The following SGSM1 variants were observed in gnomAD, a reference collection of about 807,000 sequenced individuals.
SGSM1 encodes RUN and TBC1 domain containing 2.
Under a neutral mutation model 133.8 loss-of-function variants are expected in SGSM1, and 73 were observed. The observed-to-expected ratio is 0.55, with a 90% CI of 0.45 to 0.66. SGSM1 has a LOEUF of 0.66. Among genes scored for constraint, SGSM1 ranks in the 30% least tolerant of loss-of-function variants. The pLI, the probability that SGSM1 is intolerant of heterozygous loss-of-function variation, is 0.00. For synonymous variants in SGSM1, 563 were observed against 573.0 expected, an observed-to-expected ratio of 0.98 and a Z score of 0.25; for missense variants, 1,213 against 1,448.1, an observed-to-expected ratio of 0.84 and a Z score of 2.64.
chr22:24,898,379 C>T lies in SGSM1; in HGVS notation c.2430C>T (p.Asp810=), dbSNP rs60417847. 1.5e-3 allele frequency: 2,395 copies of T among 1,613,682 alleles called. 22 individuals are homozygous for T. In the African/African-American group the frequency reaches 0.022, roughly 15 times the overall value. Residue 810 remains aspartate (D), a synonymous_variant, in exon 19 of 25, where the codon GAC becomes GAT. Coordinates refer to ENST00000400358, the MANE Select transcript of SGSM1 (RefSeq NM_001098497.3). ...TGGACATGGCCCTGCCTGAAAAGGA[C>T]GATGTTGTGATGGAGGGCTGGAGGA... ...GSLDMALPEK[D]DVVMEGWRSS...
At chr22:24,833,757 G>A (rs1046331606) in intron 2 of SGSM1, among the ~76,000 whole-genome samples, 1 of 152,174 alleles carries the variant, frequency 6.6e-6, no homozygotes, top group Admixed American at 6.5e-5. Flanking sequence ...TGAGATTCCC[G>A]AGGGTGGAAG....
chr22:24,851,449 G>GAGA (rs529456070), intron 5 of SGSM1, among the ~76,000 whole-genome samples: 2 of 112,820 alleles, frequency 1.8e-5, no homozygotes, highest in Non-Finnish European at 3.4e-5. Flanking sequence ...GGGGGTGGGG[G>GAGA]GAGAGAGAGA....
At chr22:24,860,916 A>AT (rs1227681720) in intron 9 of SGSM1, among the ~76,000 whole-genome samples, 268 of 90,020 alleles carry the variant, frequency 3.0e-3, no homozygotes, top group African/African-American at 5.7e-3. Context: ...AAAAAAAAAA[A>AT]AAAAAAATAT....
At chr22:24,814,378 T>C (rs1927941297) in intron 2 of SGSM1, among the ~76,000 whole-genome samples, 1 of 152,124 alleles carries the variant, frequency 6.6e-6, no homozygotes, top group South Asian at 2.1e-4. Context: ...TCCCCTCTTT[T>C]ATGGATAAGG....
intron 17 of SGSM1, 105 bp downstream of exon 17, chr22:24,893,718 G>A: frequency 8.0e-7 from 1 of 1,256,348 alleles, no homozygotes; most frequent in Non-Finnish European, 1.1e-6. Flanking sequence ...GGGGCCTGGT[G>A]ACAGTCTCAC....
chr22:24,914,494 A>T (rs554390325), intron 22 of SGSM1, among the ~76,000 whole-genome samples: 1 of 151,342 alleles, frequency 6.6e-6, no homozygotes, highest in Non-Finnish European at 1.5e-5. Flanking sequence ...AAAAAAAATT[A>T]ACCATAGATT....
At chr22:24,882,910 T>C (rs139503384) in intron 14 of SGSM1, among the ~76,000 whole-genome samples, 1,756 of 151,942 alleles carry the variant, frequency 0.012, 37 homozygotes, top group African/African-American at 0.04. Flanking sequence ...TTCTTTCTTT[T>C]TTTTTGAGAC....
chr22:24,815,719 AGAGT>A (rs1166827537), intron 2 of SGSM1, among the ~76,000 whole-genome samples: 1 of 152,098 alleles, frequency 6.6e-6, no homozygotes, highest in African/African-American at 2.4e-5. Context: ...GGAGGGCGAA[AGAGT>A]GAGACTGTGT....
intron 21 of SGSM1, 37 bp downstream of exon 21, chr22:24,905,224 AT>A (rs745370037): frequency 6.9e-6 from 11 of 1,589,140 alleles, no homozygotes; most frequent in Non-Finnish European, 7.8e-6. Flanking sequence ...CTGAGGGTGC[AT>A]TTCCTTTCCA....
rs762506594 is a variant in SGSM1 at position 24,854,989 on chromosome 22, T to C, written c.456-7T>C. The stretch of plus-strand genomic sequence containing the variant: ...ATCCAAACCTGCATATTCTCTCCTC[T>C]TGCTAGTAAATACTATGAGAAGGAA... On this transcript the variant is annotated splice_polypyrimidine_tract_variant and splice_region_variant and intron_variant, in intron 5 of 24. Transcript: ENST00000400358. 1.2e-6 allele frequency: 2 copies of C among 1,612,442 alleles called. No individual in the cohort carries two copies. Among genetic ancestry groups the C allele is most frequent in the South Asian group, 2.2e-5 (2 of 90,674 alleles).
chr22:24,900,797 A>C (rs920368116), intron 19 of SGSM1, among the ~76,000 whole-genome samples: 1 of 152,216 alleles, frequency 6.6e-6, no homozygotes, highest in African/African-American at 2.4e-5. Flanking sequence ...TCTTGTATTT[A>C]TGCCAACCAT....
At chr22:24,918,299 T>C (rs1190944932) in intron 23 of SGSM1, among the ~76,000 whole-genome samples, 2 of 151,954 alleles carry the variant, frequency 1.3e-5, no homozygotes, top group Non-Finnish European at 2.9e-5. Flanking sequence ...GGTCAGGAGA[T>C]TGAGACCTAA....
Position 24,847,960 on chromosome 22 carries a change from C to T in SGSM1, c.302+164C>T, listed in dbSNP as rs576377014. Among the ~76,000 whole-genome samples, 6 of 151,484 alleles carry T rather than the reference C, an allele frequency of 4.0e-5. No homozygotes were observed. In the South Asian group the frequency reaches 1.2e-3, roughly 32 times the overall value. On this transcript the variant is annotated intron_variant, in intron 4 of 24. Transcript: ENST00000400358. ...CACCCCAGGGTCTTTGCACGTGCCT[C>T]ACCCTCCACCAGACTCACCCATCTG...
chr22:24,879,646 A>G (rs1212417613), intron 14 of SGSM1, 120 bp downstream of exon 14: 2 of 936,582 alleles, frequency 2.1e-6, no homozygotes. Flanking sequence ...TCTATTCCCT[A>G]GATGTCTGGT....
At chr22:24,877,572 C>T (rs1932084272) in intron 13 of SGSM1, among the ~76,000 whole-genome samples, 1 of 151,874 alleles carries the variant, frequency 6.6e-6, no homozygotes, top group South Asian at 2.1e-4. Flanking sequence ...GTGGGTGGTC[C>T]AGTCATCAGC....
At chr22:24,835,267 G>A (rs1041463619) in intron 2 of SGSM1, among the ~76,000 whole-genome samples, 2 of 152,144 alleles carry the variant, frequency 1.3e-5, no homozygotes, top group Non-Finnish European at 2.9e-5. Context: ...TGATTGTTGA[G>A]CACACACCGT....
At chr22:24,898,800 G>C (rs1299520602) in intron 19 of SGSM1, among the ~76,000 whole-genome samples, 1 of 151,918 alleles carries the variant, frequency 6.6e-6, no homozygotes, top group African/African-American at 2.4e-5. Context: ...GGCTGAGGGG[G>C]GTGGATCACG....
chr22:24,861,852 T>G (rs971528668), intron 9 of SGSM1, among the ~76,000 whole-genome samples: 4 of 152,014 alleles, frequency 2.6e-5, no homozygotes, highest in Non-Finnish European at 4.4e-5. Context: ...TTATTTTATA[T>G]GGAGATGGTT....
Position 24,888,938 on chromosome 22 carries a change from CTTTTTTTTTTTT to C in SGSM1, c.1770+2224_1770+2235del, listed in dbSNP as rs1234715475. ...TAATTTTAAATGTTTTCATAGTCACCTTTTTTTTTTTTTTTTTTTTTTTTTGAGACAGAGTGT... is the reference window on the plus strand; with the variant it reads ...TAATTTTAAATGTTTTCATAGTCACCTTTTTTTTTTTTTGAGACAGAGTGT... On this transcript the variant is annotated intron_variant, in intron 16 of 24. Coordinates refer to ENST00000400358, the MANE Select transcript of SGSM1 (RefSeq NM_001098497.3). 2.0e-4 allele frequency among the ~76,000 whole-genome samples: 16 copies of C among 79,952 alleles called. 1 individual carries two copies. The South Asian group carries it at 2.8e-3, about 14-fold the overall frequency. 52.5% of individuals were successfully genotyped at this position (79,952 alleles called of 152,430 possible).
Sources: allele counts gnomAD v4.1 joint callset (sites outside exome capture counted in the v4.1 genomes callset), GRCh38; gene constraint gnomAD v4.1.1; transcripts MANE v1.5; gene names NCBI Gene and HGNC (gene_info 2026-07-23, HGNC 2026-07-21).